KIAA1328: variants seen among roughly 807,000 people sequenced by gnomAD.
KIAA1328 encodes the protein KIAA1328.
A neutral mutation model predicts 68.1 loss-of-function variants in KIAA1328; 52 were observed. The ratio of observed to expected loss-of-function variants is 0.76; its 90% CI spans 0.61 to 0.96. The LOEUF (loss-of-function observed/expected upper bound fraction) is 0.96, where lower values mean the gene tolerates loss of function less well. KIAA1328 is among the 40% of genes least tolerant of loss of function. The probability of loss-of-function intolerance (pLI) is 0.00; values close to 1 mark genes in which losing one functional copy is unlikely to be tolerated. For missense variants in KIAA1328, 641 were observed against 677.6 expected, an observed-to-expected ratio of 0.95 and a Z score of 0.60; for synonymous variants, 232 against 239.4, an observed-to-expected ratio of 0.97 and a Z score of 0.28.
chr18:36,913,368 A>T lies in KIAA1328; in HGVS notation c.448+27696A>T, dbSNP rs961731791. Among the ~76,000 whole-genome samples, 6 of 151,500 alleles carry T rather than the reference A, an allele frequency of 4.0e-5. 1 individual carries two copies. The highest frequency in any genetic ancestry group is 4.2e-4 in the South Asian group (2 of 4,782). On this transcript the variant is annotated intron_variant, in intron 5 of 9. Transcript: ENST00000280020. Reference sequence around the variant, plus strand: ...ACCTTGTCTCTACAAAAAAAAAAAAAAATTTTTTAAGAACCTTGTAGATTT... The same window carrying T: ...ACCTTGTCTCTACAAAAAAAAAAAATAATTTTTTAAGAACCTTGTAGATTT...
At chr18:36,956,328 T>A (rs1187699939) in intron 5 of KIAA1328, among the ~76,000 whole-genome samples, 1 of 152,200 alleles carries the variant, frequency 6.6e-6, no homozygotes, top group Non-Finnish European at 1.5e-5. Flanking sequence ...GTGTCTAAAT[T>A]TGTGTCATGG....
intron 7 of KIAA1328, among the ~76,000 whole-genome samples, chr18:37,141,372 T>G (rs911509371): frequency 2.0e-5 from 3 of 152,240 alleles, no homozygotes; most frequent in Non-Finnish European, 2.9e-5. Context: ...TGATACCTTT[T>G]ACTCACCATA....
At chr18:36,918,062 G>T (rs973734375) in intron 5 of KIAA1328, among the ~76,000 whole-genome samples, 1 of 151,772 alleles carries the variant, frequency 6.6e-6, no homozygotes, top group Admixed American at 6.6e-5. Flanking sequence ...ATTGTGAGAC[G>T]ACTTCATCAT....
intron 6 of KIAA1328, among the ~76,000 whole-genome samples, chr18:36,979,983 C>A (rs2052620371): frequency 3.3e-5 from 5 of 152,066 alleles, no homozygotes. Context: ...CAGAGTAATG[C>A]TGTTATAAAA....
intron 9 of KIAA1328, among the ~76,000 whole-genome samples, chr18:37,179,144 T>C (rs886548215): frequency 1.2e-4 from 19 of 152,194 alleles, no homozygotes; most frequent in African/African-American, 4.6e-4. Context: ...AGCATTTTCC[T>C]GACCAATGTC....
chr18:37,185,874 T>G (rs533200554), intron 9 of KIAA1328, among the ~76,000 whole-genome samples: 1 of 152,184 alleles, frequency 6.6e-6, no homozygotes, highest in East Asian at 1.9e-4. Flanking sequence ...GTGCGGAAAT[T>G]CATTTTAGCA....
chr18:36,983,828 A>C (rs535331180), intron 6 of KIAA1328, among the ~76,000 whole-genome samples: 10 of 152,312 alleles, frequency 6.6e-5, no homozygotes, highest in African/African-American at 2.4e-4. Context: ...GATATCCCTC[A>C]TGAATCTACA....
intron 5 of KIAA1328, among the ~76,000 whole-genome samples, chr18:36,925,495 A>G (rs2050079324): frequency 6.6e-6 from 1 of 152,026 alleles, no homozygotes; most frequent in Non-Finnish European, 1.5e-5. Flanking sequence ...CATTGTTGAA[A>G]CTAATTACAT....
rs185605854 is a variant in KIAA1328, at chr18:36,841,916, A to C, written c.238-2292A>C. ...CTTTTTATTTCATATTATGTTTATG[A>C]GATTTCTTGTTTTTTTTTCCCTCTA... is the stretch of plus-strand genomic sequence containing the variant. On this transcript the variant is annotated intron_variant, in intron 3 of 9. Transcript: ENST00000280020. Among the ~76,000 whole-genome samples, 479 of 151,316 alleles carry C rather than the reference A, an allele frequency of 3.2e-3. 2 individuals carry two copies. Among genetic ancestry groups the C allele is most frequent in the Middle Eastern group, 0.017 (5 of 292 alleles).
intron 6 of KIAA1328, among the ~76,000 whole-genome samples, chr18:36,982,033 A>G (rs1024025111): frequency 6.7e-6 from 1 of 148,552 alleles, no homozygotes; most frequent in Admixed American, 6.8e-5. Flanking sequence ...TGATTTAACT[A>G]AAATCATTGA....
intron 1 of KIAA1328, among the ~76,000 whole-genome samples, chr18:36,831,450 A>G (rs1466974963): frequency 6.6e-6 from 1 of 152,256 alleles, no homozygotes; most frequent in Non-Finnish European, 1.5e-5. Context: ...ATCTTCCAGC[A>G]AAATATGCTC....
At chr18:37,101,274 A>G (rs1009533810) in intron 7 of KIAA1328, among the ~76,000 whole-genome samples, 1 of 152,186 alleles carries the variant, frequency 6.6e-6, no homozygotes, top group Non-Finnish European at 1.5e-5. Context: ...CTTGAAAAAA[A>G]ATTAGACAAA....
chr18:36,929,351 C>T (rs1256056287), intron 5 of KIAA1328, among the ~76,000 whole-genome samples: 1 of 152,190 alleles, frequency 6.6e-6, no homozygotes, highest in Non-Finnish European at 1.5e-5. Flanking sequence ...GGGCACCTCT[C>T]TTCTATCAGG....
intron 8 of KIAA1328, among the ~76,000 whole-genome samples, chr18:37,172,512 T>C (rs1382139791): frequency 6.6e-6 from 1 of 152,184 alleles, no homozygotes; most frequent in Non-Finnish European, 1.5e-5. Context: ...TTAAGACATG[T>C]GTTTTAGCCA....
At chr18:37,205,576 A>G (rs2060201729) in intron 9 of KIAA1328, among the ~76,000 whole-genome samples, 1 of 152,252 alleles carries the variant, frequency 6.6e-6, no homozygotes, top group Non-Finnish European at 1.5e-5. Flanking sequence ...TCTTCAGTAG[A>G]AAGGACACAA....
At position 37,188,889 on chromosome 18, in the gene KIAA1328, G is replaced by C. The variant is rs571313626; in HGVS notation, c.1523+15808G>C. ...ATCAATGTGAAAATTTTAATTTCAC[G>C]CCTTGCAGACTTCACATTCTTTTAT... On this transcript the variant is annotated intron_variant, in intron 9 of 9. Coordinates refer to ENST00000280020, the MANE Select transcript of KIAA1328 (RefSeq NM_020776.3). Among the ~76,000 whole-genome samples, 4 of 152,154 alleles carry C rather than the reference G, an allele frequency of 2.6e-5. No individual in the cohort carries two copies. The East Asian group carries it at 7.7e-4, about 29-fold the overall frequency.
intron 6 of KIAA1328, among the ~76,000 whole-genome samples, chr18:37,023,453 A>G (rs1176465075): frequency 2.0e-5 from 3 of 152,126 alleles, no homozygotes; most frequent in Admixed American, 6.6e-5. Flanking sequence ...TTGCAAATGT[A>G]GAAGATCTTC....
intron 7 of KIAA1328, among the ~76,000 whole-genome samples, chr18:37,068,374 A>AT (rs1207790251): frequency 6.6e-6 from 1 of 152,228 alleles, no homozygotes; most frequent in Non-Finnish European, 1.5e-5. Context: ...ACCTATCCAC[A>AT]TGTAGGCTGT....
intron 7 of KIAA1328, chr18:37,084,432 G>T: frequency 3.2e-6 from 1 of 308,072 alleles, no homozygotes; most frequent in Non-Finnish European, 5.8e-6. Context: ...ACAACTTTGA[G>T]AGAATCTTTT....
Sources: allele counts gnomAD v4.1 joint callset (sites outside exome capture counted in the v4.1 genomes callset), GRCh38; gene constraint gnomAD v4.1.1; transcripts MANE v1.5; gene names NCBI Gene and HGNC (gene_info 2026-07-23, HGNC 2026-07-21).